Variants in KIF11 observed in about 807,000 individuals in gnomAD.
The protein encoded by KIF11 is kinesin-like protein KIF11.
In KIF11, 9 loss-of-function variants were observed where a neutral mutation model predicts 121.0. That is an observed-to-expected ratio of 0.07 (90% confidence interval 0.04 to 0.13). The LOEUF is 0.13. Ranked by LOEUF, KIF11 falls within the 10% of genes least tolerant of loss-of-function variation. KIF11 has a pLI of 1.00. For synonymous variants in KIF11, 408 were observed against 421.0 expected, an observed-to-expected ratio of 0.97 and a Z score of 0.38; for missense variants, 846 against 1,217.5, an observed-to-expected ratio of 0.69 and a Z score of 4.54.
chr10:92,626,064 A>G (rs1844672996), intron 10 of KIF11, among the ~76,000 whole-genome samples: 1 of 152,206 alleles, frequency 6.6e-6, no homozygotes, highest in Non-Finnish European at 1.5e-5. Flanking sequence ...CTTCACAGAA[A>G]AAACTATTGT....
intron 10 of KIF11, among the ~76,000 whole-genome samples, chr10:92,627,284 C>T (rs964840454): frequency 6.6e-6 from 1 of 152,126 alleles, no homozygotes; most frequent in Non-Finnish European, 1.5e-5. Context: ...CAAATACAGG[C>T]ATTCATTTCT....
intron 18 of KIF11, among the ~76,000 whole-genome samples, chr10:92,646,473 CTATA>C (rs1053369961): frequency 4.3e-4 from 66 of 152,178 alleles, no homozygotes; most frequent in African/African-American, 1.6e-3. Flanking sequence ...AATTTTTAAT[CTATA>C]TAAGCTGTTT....
chr10:92,626,916 C>G (rs1245974664), intron 10 of KIF11, among the ~76,000 whole-genome samples: 1 of 152,028 alleles, frequency 6.6e-6, no homozygotes, highest in African/African-American at 2.4e-5. Context: ...CCCGCCACCA[C>G]GCCCTGCTAA....
chr10:92,594,449 C>T (rs1797664524), intron 1 of KIF11, among the ~76,000 whole-genome samples: 1 of 152,128 alleles, frequency 6.6e-6, no homozygotes, highest in African/African-American at 2.4e-5. Context: ...TCTGGGGCTT[C>T]TGTTAGTAGT....
rs1409634731 is a variant in KIF11 at position 92,633,654 on chromosome 10, A to G, written c.1734A>G (p.Leu578=). Residue 578 remains leucine (L), a synonymous_variant, in exon 14 of 22, where the codon TTA becomes TTG. Coordinates refer to ENST00000260731, the MANE Select transcript of KIF11 (RefSeq NM_004523.4). ...TGCTGTCTTCCAGTGTCTCTGCATT[A>G]GATACCATTACTACAGTAGCACTTG... ...GNLLSSSVSA[L]DTITTVALGS... 5.0e-6 allele frequency: 8 copies of G among 1,607,896 alleles called. No individual in the cohort carries two copies. The highest frequency in any genetic ancestry group is 6.0e-6 in the Non-Finnish European group (7 of 1,175,746).
intron 1 of KIF11, among the ~76,000 whole-genome samples, chr10:92,595,738 C>T (rs1269667607): frequency 6.6e-6 from 1 of 152,086 alleles, no homozygotes; most frequent in East Asian, 1.9e-4. Flanking sequence ...CCCCATTTCC[C>T]TCTCCCATCA....
At chr10:92,593,893 T>C (rs919455687) in intron 1 of KIF11, among the ~76,000 whole-genome samples, 2 of 152,224 alleles carry the variant, frequency 1.3e-5, no homozygotes, top group Admixed American at 1.3e-4. Flanking sequence ...CATCTCTGTC[T>C]TTAAACATTA....
intron 1 of KIF11, among the ~76,000 whole-genome samples, chr10:92,601,147 C>T (rs535704403): frequency 2.2e-4 from 34 of 151,848 alleles, no homozygotes; most frequent in South Asian, 8.3e-4. Context: ...CATGAGCCAC[C>T]GCTCTTGGCC....
At chr10:92,618,868 A>G (rs1260848735) in intron 9 of KIF11, among the ~76,000 whole-genome samples, 4 of 152,100 alleles carry the variant, frequency 2.6e-5, no homozygotes, top group Admixed American at 1.3e-4. Context: ...CATCACCACG[A>G]GGACCCTTCA....
At chr10:92,595,978 A>G (rs1205248568) in intron 1 of KIF11, among the ~76,000 whole-genome samples, 1 of 152,050 alleles carries the variant, frequency 6.6e-6, no homozygotes, top group Non-Finnish European at 1.5e-5. Context: ...TCATATGTCA[A>G]TGGATACTTG....
chr10:92,597,518 G>A (rs1844311379), intron 1 of KIF11, among the ~76,000 whole-genome samples: 1 of 152,014 alleles, frequency 6.6e-6, no homozygotes. Context: ...ACCCATTTTG[G>A]CCTCCCAAAG....
intron 9 of KIF11, among the ~76,000 whole-genome samples, chr10:92,621,159 G>T (rs571291852): frequency 6.6e-6 from 1 of 152,204 alleles, no homozygotes; most frequent in East Asian, 1.9e-4. Flanking sequence ...GTTTTTCTTG[G>T]GAAGTCCATA....
At chr10:92,636,350 G>C (rs1046620497) in intron 14 of KIF11, among the ~76,000 whole-genome samples, 4 of 152,084 alleles carry the variant, frequency 2.6e-5, no homozygotes, top group African/African-American at 9.7e-5. Context: ...TTCTGGCTGG[G>C]TGCGGTGGCT....
At position 92,614,021 on chromosome 10, in the gene KIF11, TACACACACACACACACACACAC is replaced by T. The variant is rs71028831; in HGVS notation, c.1032+426_1032+447del. On this transcript the variant is annotated intron_variant, in intron 8 of 21. Coordinates refer to ENST00000260731, the MANE Select transcript of KIF11 (RefSeq NM_004523.4). ...ATAAAAAAAAAGAAAAGTATGTGTA[TACACACACACACACACACACAC>T]ACACACACACACACACACACACATA... Among the ~76,000 whole-genome samples, 5 of 127,058 alleles carry T rather than the reference TACACACACACACACACACACAC, an allele frequency of 3.9e-5. No individual in the cohort carries two copies. The East Asian group carries it at 6.4e-4, about 16-fold the overall frequency. The allele number at this position is 127,058 out of a possible 152,430, so 83.4% of individuals were successfully genotyped here.
At chr10:92,632,716 T>C (rs1324007630) in intron 13 of KIF11, 23 bp downstream of exon 13, 1 of 1,448,752 alleles carries the variant, frequency 6.9e-7, no homozygotes, top group Non-Finnish European at 9.5e-7. Flanking sequence ...TGTTCTGTTC[T>C]AGTCTTGATG....
Position 92,593,342 on chromosome 10 carries a change from G to C in KIF11, c.-34G>C. The C allele has an allele frequency of 6.3e-7, 1 of 1,585,788 alleles. No homozygotes were observed. Among genetic ancestry groups the C allele is most frequent in the Non-Finnish European group, 8.6e-7 (1 of 1,166,960 alleles). On this transcript the variant is annotated 5_prime_UTR_variant, in exon 1 of 22. Coordinates refer to ENST00000260731, the MANE Select transcript of KIF11 (RefSeq NM_004523.4). The stretch of plus-strand genomic sequence containing the variant: ...TCCGCCCCTCACAGCGCCCAGGTCC[G>C]CGGCCGGGCCTTGATTTTTTGGCGG...
At chr10:92,627,649 C>T (rs774862853) in intron 10 of KIF11, among the ~76,000 whole-genome samples, 4 of 151,680 alleles carry the variant, frequency 2.6e-5, no homozygotes, top group African/African-American at 7.3e-5. Flanking sequence ...CTTCAAATGT[C>T]TAGTGATTTT....
At chr10:92,596,960 C>G in intron 1 of KIF11, 1 of 366,426 alleles carries the variant, frequency 2.7e-6, no homozygotes, top group Admixed American at 3.1e-5. Flanking sequence ...TACCCAGCAC[C>G]ATACAGAAGT....
At chr10:92,641,260 A>T (rs1320819442) in intron 17 of KIF11, among the ~76,000 whole-genome samples, 1 of 152,246 alleles carries the variant, frequency 6.6e-6, no homozygotes, top group African/African-American at 2.4e-5. Context: ...ACTCATGAGG[A>T]GAAAGATACT....
Sources: gnomAD v4.1 joint callset for allele counts (sites outside exome capture counted in the v4.1 genomes callset) on GRCh38, gnomAD v4.1.1 for gene constraint, MANE v1.5 for transcripts, NCBI Gene and HGNC (gene_info 2026-07-23, HGNC 2026-07-21) for gene names.